Variants in RHEX observed in about 807,000 individuals in gnomAD.
RHEX encodes regulator of hemoglobinization and erythroid cell expansion, also known as regulator of hemoglobinization and erythroid cell expansion protein.
Under a neutral mutation model 20.1 loss-of-function variants are expected in RHEX, and 18 were observed. That is an observed-to-expected ratio of 0.90 (90% CI 0.62 to 1.33). The LOEUF is 1.33. Ranked by LOEUF, RHEX falls within the 40% of genes most tolerant of loss-of-function variation. RHEX has a pLI of 0.00. For synonymous variants in RHEX, 87 were observed against 77.1 expected (o/e 1.13, Z -0.67); for missense variants, 192 against 214.3 (o/e 0.90, Z 0.65).
Position 206,098,303 on chromosome 1 carries a change from C to T in RHEX, c.112+122C>T, listed in dbSNP as rs944348143. 16 of 680,294 alleles carry T rather than the reference C, an allele frequency of 2.4e-5. 1 individual carries two copies. The highest frequency in any genetic ancestry group is 7.1e-5 in the South Asian group (4 of 56,712). The allele number at this position is 680,294 out of a possible 1,614,324, so 42.1% of individuals were successfully genotyped here. ...CTCAAAAACCTACCAGAGGACCCAC[C>T]GGCCAAATTCCTTCCCACCGCTCCC... is the stretch of plus-strand genomic sequence containing the variant. On this transcript the variant is annotated intron_variant, in intron 3 of 5. Coordinates refer to ENST00000331555, the MANE Select transcript of RHEX (RefSeq NM_001007544.4).
intron 1 of RHEX, among the ~76,000 whole-genome samples, chr1:206,094,217 G>A (rs1553287407): frequency 6.6e-6 from 1 of 151,536 alleles, no homozygotes; most frequent in East Asian, 1.9e-4. Flanking sequence ...ACGCGCAAAT[G>A]AGCAGATGTC....
intron 1 of RHEX, among the ~76,000 whole-genome samples, chr1:206,085,847 A>C (rs782795839): frequency 6.6e-6 from 1 of 152,206 alleles, no homozygotes; most frequent in Non-Finnish European, 1.5e-5. Context: ...TAATGTGCCC[A>C]AGGAATGTAT....
intron 1 of RHEX, among the ~76,000 whole-genome samples, chr1:206,089,112 G>A (rs1662896494): frequency 6.6e-6 from 1 of 151,868 alleles, no homozygotes; most frequent in Admixed American, 6.6e-5. Context: ...CCCAAGAATG[G>A]TTTTTATATT....
At position 206,098,085 on chromosome 1, in the gene RHEX, A is replaced by G. The variant is rs1663111608; in HGVS notation, c.16A>G (p.Met6Val). 10 of 1,613,214 alleles carry G rather than the reference A, an allele frequency of 6.2e-6. No homozygotes were observed. The highest frequency in any genetic ancestry group is 8.5e-6 in the Non-Finnish European group (10 of 1,179,182). Reference sequence around the variant, plus strand: ...CCCCTTTTTCTTTCCCAACAGAGTCATGGAGGTCTGGCATGGCTTAGTGAT... The same window carrying G: ...CCCCTTTTTCTTTCCCAACAGAGTCGTGGAGGTCTGGCATGGCTTAGTGAT... MLTEV[M>V]EVWHGLVIAV... Residue 6 changes from methionine (M) to valine (V), a missense_variant, in exon 3 of 6, where the codon ATG (methionine) becomes GTG (valine). Coordinates refer to ENST00000331555, the MANE Select transcript of RHEX (RefSeq NM_001007544.4).
intron 1 of RHEX, among the ~76,000 whole-genome samples, chr1:206,063,141 G>A (rs1487537386): frequency 6.6e-6 from 1 of 152,128 alleles, no homozygotes; most frequent in African/African-American, 2.4e-5. Context: ...ATGATAAATA[G>A]GGAAAGAGTA....
chr1:206,062,343 A>G (rs533830262), intron 1 of RHEX: 7 of 152,406 alleles, frequency 4.6e-5, no homozygotes, highest in African/African-American at 1.7e-4. Flanking sequence ...AACACAGGAC[A>G]TGCTCGTCCA....
intron 1 of RHEX, among the ~76,000 whole-genome samples, chr1:206,065,274 TA>T (rs59452601): frequency 0.021 from 2,897 of 141,200 alleles, 28 homozygotes; most frequent in Non-Finnish European, 0.03. Flanking sequence ...AATGATCAAT[TA>T]AAAAAAAAAA....
rs1662453243 is a variant in RHEX at position 206,067,585 on chromosome 1, C to T, written c.-97+14320C>T. 6.6e-6 allele frequency among the ~76,000 whole-genome samples: 1 copy of T among 152,140 alleles called. No individual in the cohort carries two copies. Among genetic ancestry groups the T allele is most frequent in the African/African-American group, 2.4e-5 (1 of 41,406 alleles). On this transcript the variant is annotated intron_variant, in intron 1 of 5. Coordinates refer to ENST00000331555, the MANE Select transcript of RHEX (RefSeq NM_001007544.4). The surrounding 1 kb of genome is among the most constrained non-coding windows in gnomAD (Gnocchi z 4.6). ...GTGAGCAACAACTTGGAGGGGGCCCCAGGTGGGGAGAGCAATTTTTCTGCC... is the reference window on the plus strand; with the variant it reads ...GTGAGCAACAACTTGGAGGGGGCCCTAGGTGGGGAGAGCAATTTTTCTGCC...
At chr1:206,098,487 G>A in intron 3 of RHEX, 1 of 301,268 alleles carries the variant, frequency 3.3e-6, no homozygotes, top group East Asian at 6.2e-5. Context: ...CGTGTAACCT[G>A]GTCTAATTAA....
chr1:206,064,418 G>C (rs1571854692), intron 1 of RHEX, among the ~76,000 whole-genome samples: 2 of 112,106 alleles, frequency 1.8e-5, no homozygotes, highest in Admixed American at 8.3e-5. Flanking sequence ...CCGGCCAGCC[G>C]CCCCGTCCGG....
rs1394368439 is a variant in RHEX, at chr1:206,099,752, G to A, written c.210G>A (p.Glu70=). ...CACCTGCTGTCAAAGAGATGAAGGAGACTCAGACAGAGAGAGACATCCCAA... is the reference window on the plus strand; with the variant it reads ...CACCTGCTGTCAAAGAGATGAAGGAAACTCAGACAGAGAGAGACATCCCAA... ...HHPPAVKEMK[E]TQTERDIPMS... is the part of the protein sequence containing the mutation. The change falls in exon 4 of 6, where the codon GAG becomes GAA. Residue 70 remains glutamate (E), a synonymous_variant. Coordinates refer to ENST00000331555, the MANE Select transcript of RHEX (RefSeq NM_001007544.4). 1.2e-6 allele frequency: 2 copies of A among 1,614,156 alleles called. No homozygotes were observed. Among genetic ancestry groups the A allele is most frequent in the Non-Finnish European group, 1.7e-6 (2 of 1,179,994 alleles).
At chr1:206,060,705 G>A (rs1662293613) in intron 1 of RHEX, 1 of 152,298 alleles carries the variant, frequency 6.6e-6, no homozygotes, top group African/African-American at 2.4e-5. Context: ...TGGTCCTCAT[G>A]TCTCTTAGTT....
At chr1:206,099,420 G>A (rs1663140790) in intron 3 of RHEX, among the ~76,000 whole-genome samples, 1 of 151,864 alleles carries the variant, frequency 6.6e-6, no homozygotes, top group South Asian at 2.1e-4. Flanking sequence ...CCAGGTTCAA[G>A]CAGTTCTCTT....
intron 1 of RHEX, among the ~76,000 whole-genome samples, chr1:206,093,714 C>A (rs1663007232): frequency 6.6e-6 from 1 of 151,930 alleles, no homozygotes; most frequent in South Asian, 2.1e-4. Context: ...TTACGCTGTA[C>A]CTATTGGAAA....
chr1:206,066,629 G>A (rs1345575980), intron 1 of RHEX, among the ~76,000 whole-genome samples: 1 of 152,074 alleles, frequency 6.6e-6, no homozygotes, highest in Non-Finnish European at 1.5e-5. Flanking sequence ...AAAAAAAAGA[G>A]TTACAACCTA....
At chr1:206,074,144 G>T (rs1276024422) in intron 1 of RHEX, among the ~76,000 whole-genome samples, 2 of 152,178 alleles carry the variant, frequency 1.3e-5, no homozygotes, top group Admixed American at 6.5e-5. Flanking sequence ...CCCTAGATCA[G>T]AGTTGGGACC....
At chr1:206,064,142 G>C (rs1430728267) in intron 1 of RHEX, among the ~76,000 whole-genome samples, 2 of 148,532 alleles carry the variant, frequency 1.3e-5, no homozygotes, top group African/African-American at 5.0e-5. Context: ...GAAGTGAGGA[G>C]ACCCTCCGCC....
intron 1 of RHEX, among the ~76,000 whole-genome samples, chr1:206,068,380 T>G (rs1553284370): frequency 6.6e-6 from 1 of 152,110 alleles, no homozygotes; most frequent in Non-Finnish European, 1.5e-5. Context: ...TATGGAGATG[T>G]AAAAGGCTTT....
chr1:206,066,761 C>T (rs1383469531), intron 1 of RHEX, among the ~76,000 whole-genome samples: 1 of 152,136 alleles, frequency 6.6e-6, no homozygotes, highest in Non-Finnish European at 1.5e-5. Flanking sequence ...GGTTATAGGA[C>T]AATCTTATAA....
Sources: allele counts gnomAD v4.1 joint callset (sites outside exome capture counted in the v4.1 genomes callset), GRCh38; gene constraint gnomAD v4.1.1; non-coding constraint Gnocchi (gnomAD v3.1); transcripts MANE v1.5; gene names NCBI Gene and HGNC (gene_info 2026-07-23, HGNC 2026-07-21).